The following KDM6A variants were observed in gnomAD, a reference collection of about 807,000 sequenced individuals.
KDM6A encodes lysine-specific demethylase 6A.
KDM6A carries 11 observed loss-of-function variants against 117.6 expected under a neutral mutation model. The observed-to-expected ratio is 0.09, with a 90% CI of 0.06 to 0.15. The LOEUF is 0.15. Among genes scored for constraint, KDM6A ranks in the 10% least tolerant of loss-of-function variants. The pLI, the probability that KDM6A is intolerant of heterozygous loss-of-function variation, is 1.00. For synonymous variants in KDM6A, 384 were observed against 396.1 expected (o/e 0.97, Z 0.36); for missense variants, 799 against 1,077.3 (o/e 0.74, Z 3.62).
chrX:45,045,414 C>T (rs2043484319), intron 8 of KDM6A, among the ~76,000 whole-genome samples: 1 of 108,805 alleles, frequency 9.2e-6, no homozygotes, highest in African/African-American at 3.4e-5. Flanking sequence ...GGTGAAACCC[C>T]GCTTTTACTA....
At chrX:44,874,243 C>T (rs1447809339) in intron 2 of KDM6A, among the ~76,000 whole-genome samples, 1 of 112,005 alleles carries the variant, frequency 8.9e-6, no homozygotes, top group Non-Finnish European at 1.9e-5. Flanking sequence ...TGGGTCGACA[C>T]AACTGCCTGC....
chrX:44,973,326 C>T (rs1019183300), intron 3 of KDM6A, among the ~76,000 whole-genome samples: 3 of 111,326 alleles, frequency 2.7e-5, no homozygotes, highest in African/African-American at 9.8e-5. Context: ...CCCATGGCCT[C>T]TTGTCTCTGT....
chrX:45,000,583 GCTGA>G (rs1237041285), intron 4 of KDM6A, among the ~76,000 whole-genome samples: 1 of 112,414 alleles, frequency 8.9e-6, no homozygotes, highest in Non-Finnish European at 1.9e-5. Context: ...ATGAACAAGG[GCTGA>G]CTGACTGATA....
intron 2 of KDM6A, among the ~76,000 whole-genome samples, chrX:44,874,542 T>C (rs1338962062): frequency 9.0e-6 from 1 of 111,595 alleles, no homozygotes; most frequent in Non-Finnish European, 1.9e-5. Flanking sequence ...GTGTGTTACC[T>C]GAAGTTAGGT....
intron 3 of KDM6A, among the ~76,000 whole-genome samples, chrX:44,966,300 C>T (rs1345237489): frequency 9.1e-6 from 1 of 109,814 alleles, no homozygotes; most frequent in African/African-American, 3.3e-5. Context: ...CGCCACCACG[C>T]CTAACTATTT....
intron 17 of KDM6A, among the ~76,000 whole-genome samples, chrX:45,068,024 A>G (rs1274050047): frequency 1.8e-5 from 2 of 111,276 alleles, no homozygotes; most frequent in Non-Finnish European, 3.8e-5. Flanking sequence ...TTAGTTTAAA[A>G]TTTTCAGCTT....
At chrX:44,950,311 G>T (rs778727327) in intron 2 of KDM6A, among the ~76,000 whole-genome samples, 52 of 111,530 alleles carry the variant, frequency 4.7e-4, no homozygotes, top group African/African-American at 1.6e-3. Flanking sequence ...GAGCCCCTGC[G>T]CCCGGCCTTG....
chrX:45,098,984 A>C (rs2046223295), intron 27 of KDM6A, among the ~76,000 whole-genome samples: 1 of 112,185 alleles, frequency 8.9e-6, no homozygotes, highest in Non-Finnish European at 1.9e-5. Context: ...CTACAAAAAA[A>C]GTTGAAAGAG....
chrX:44,898,481 G>T (rs1569379407), intron 2 of KDM6A, among the ~76,000 whole-genome samples: 1 of 111,453 alleles, frequency 9.0e-6, no homozygotes, highest in Non-Finnish European at 1.9e-5. Flanking sequence ...AGGGGTGCAG[G>T]TTCAGGTTCT....
chrX:45,105,744 C>T (rs1254504269), intron 27 of KDM6A, among the ~76,000 whole-genome samples: 1 of 112,374 alleles, frequency 8.9e-6, no homozygotes, highest in African/African-American at 3.2e-5. Flanking sequence ...CAGGCTAAAG[C>T]AGGGGTCCCC....
chrX:45,091,830 ATG>A (rs1280227065), intron 27 of KDM6A, among the ~76,000 whole-genome samples: 2 of 111,959 alleles, frequency 1.8e-5, no homozygotes, highest in Non-Finnish European at 3.8e-5. Flanking sequence ...TTTGGTCAGC[ATG>A]TGTTGTTTTC....
At chrX:45,109,390 A>C (rs1050381453) in intron 28 of KDM6A, among the ~76,000 whole-genome samples, 4 of 111,330 alleles carry the variant, frequency 3.6e-5, no homozygotes, top group African/African-American at 1.3e-4. Flanking sequence ...AATGGATAAC[A>C]TGGTGAACTC....
intron 2 of KDM6A, among the ~76,000 whole-genome samples, chrX:44,917,695 A>G (rs1379845982): frequency 3.6e-5 from 4 of 111,820 alleles, no homozygotes; most frequent in Non-Finnish European, 7.5e-5. Context: ...TATTTTACAT[A>G]TGAGGAAACA....
At chrX:45,041,970 C>T (rs1325732060) in intron 8 of KDM6A, among the ~76,000 whole-genome samples, 2 of 110,200 alleles carry the variant, frequency 1.8e-5, no homozygotes, top group African/African-American at 6.6e-5. Flanking sequence ...CCATTGAGCA[C>T]TGAGTGAACG....
rs535031668 is a variant in KDM6A, at chrX:45,088,293, C to T, written c.3705-1450C>T. Among the ~76,000 whole-genome samples the T allele has an allele frequency of 1.2e-4, 14 of 112,451 alleles. No individual in the cohort carries two copies. In the South Asian group the frequency reaches 4.7e-3, roughly 38 times the overall value. On this transcript the variant is annotated intron_variant, in intron 25 of 29. Transcript: ENST00000611820. ...CTCTAGTCTAAACTTTCAAGAGTAG[C>T]CTTGCATTTTTCAAGAGAGAAAAAG...
chrX:44,942,620 A>G (rs1256662022), intron 2 of KDM6A, among the ~76,000 whole-genome samples: 4 of 109,003 alleles, frequency 3.7e-5, no homozygotes, highest in Non-Finnish European at 7.6e-5. Flanking sequence ...GCTGATACAT[A>G]CAAAAAAGGC....
intron 27 of KDM6A, among the ~76,000 whole-genome samples, chrX:45,096,429 C>G (rs1160828108): frequency 2.7e-5 from 3 of 111,438 alleles, no homozygotes; most frequent in Non-Finnish European, 3.8e-5. Flanking sequence ...TCAGACTGCT[C>G]AAAGTGAATT....
At chrX:44,963,430 A>G (rs958545890) in intron 3 of KDM6A, among the ~76,000 whole-genome samples, 2 of 89,743 alleles carry the variant, frequency 2.2e-5, no homozygotes, top group African/African-American at 5.2e-5. Context: ...CACTCCAGCC[A>G]GGGTGACAGA....
intron 2 of KDM6A, among the ~76,000 whole-genome samples, chrX:44,946,987 T>C (rs1314280162): frequency 8.9e-6 from 1 of 112,471 alleles, no homozygotes; most frequent in Non-Finnish European, 1.9e-5. Context: ...TTTTAAGTCT[T>C]TCTATGTTAT....
Sources: allele counts gnomAD v4.1 joint callset (sites outside exome capture counted in the v4.1 genomes callset), GRCh38; gene constraint gnomAD v4.1.1; transcripts MANE v1.5; gene names NCBI Gene and HGNC (gene_info 2026-07-23, HGNC 2026-07-21).